Variants in ERC2 observed in about 807,000 individuals in gnomAD.
ERC2 encodes ELKS/RAB6-interacting/CAST family member 2, also known as ERC protein 2.
A neutral mutation model predicts 114.8 loss-of-function variants in ERC2; 42 were observed. That is an observed-to-expected ratio of 0.37 (90% CI 0.29 to 0.47). ERC2 has a LOEUF of 0.47. ERC2 is among the 20% of genes least tolerant of loss of function. ERC2 has a pLI of 0.99. For synonymous variants in ERC2, 454 were observed against 425.5 expected (o/e 1.07, Z -0.82); for missense variants, 939 against 1,150.7 (o/e 0.82, Z 2.66).
intron 10 of ERC2, chr3:56,003,024 G>C: frequency 1.8e-6 from 2 of 1,103,170 alleles, no homozygotes; most frequent in Non-Finnish European, 2.4e-6. Context: ...TCCCCAGTAT[G>C]GCACACCGTG....
intron 5 of ERC2, among the ~76,000 whole-genome samples, chr3:56,142,407 T>C (rs1330158166): frequency 6.6e-6 from 1 of 152,210 alleles, no homozygotes; most frequent in Non-Finnish European, 1.5e-5. Context: ...ATTTTGGCTA[T>C]ATTGATTATG....
At chr3:56,311,241 CTCTCTCTCTCTCTCTA>C (rs1307005390) in intron 2 of ERC2, among the ~76,000 whole-genome samples, 9 of 18,298 alleles carry the variant, frequency 4.9e-4, no homozygotes, top group Non-Finnish European at 7.4e-4. Context: ...TTCTCTCTCT[CTCTCTCTCTCTCTCTA>C]TATATATATA....
intron 17 of ERC2, among the ~76,000 whole-genome samples, chr3:55,599,847 T>C (rs1260407409): frequency 6.6e-6 from 1 of 152,218 alleles, no homozygotes; most frequent in Non-Finnish European, 1.5e-5. Context: ...CGCCTTGGAC[T>C]GGTAGAAGAT....
chr3:56,252,450 A>G (rs2052228424), intron 3 of ERC2, among the ~76,000 whole-genome samples: 1 of 152,170 alleles, frequency 6.6e-6, no homozygotes, highest in Non-Finnish European at 1.5e-5. Context: ...GCATAAAATA[A>G]TAGCTTTAAC....
intron 15 of ERC2, among the ~76,000 whole-genome samples, chr3:55,718,485 G>A (rs148207650): frequency 9.9e-5 from 15 of 152,280 alleles, no homozygotes; most frequent in African/African-American, 3.6e-4. Context: ...AGCAGAAAGG[G>A]GGAACCTATT....
At chr3:55,767,961 G>A (rs184442828) in intron 14 of ERC2, among the ~76,000 whole-genome samples, 237 of 152,280 alleles carry the variant, frequency 1.6e-3, no homozygotes, top group Non-Finnish European at 2.4e-3. Context: ...ATTGGATCAT[G>A]GGGGCAGATT....
At chr3:56,373,113 T>C (rs2059415196) in intron 2 of ERC2, among the ~76,000 whole-genome samples, 1 of 152,252 alleles carries the variant, frequency 6.6e-6, no homozygotes, top group Admixed American at 6.5e-5. Flanking sequence ...GCATCAGCAA[T>C]TGTCTTCCAA....
chr3:55,558,691 A>G (rs1476075723), intron 17 of ERC2, among the ~76,000 whole-genome samples: 2 of 152,220 alleles, frequency 1.3e-5, no homozygotes, highest in Non-Finnish European at 2.9e-5. Context: ...CAGATTTTAA[A>G]TAATATTATG....
At chr3:56,052,338 G>C (rs1036786429) in intron 7 of ERC2, among the ~76,000 whole-genome samples, 7 of 152,220 alleles carry the variant, frequency 4.6e-5, no homozygotes, top group African/African-American at 1.7e-4. Flanking sequence ...ATTAAATAGA[G>C]AGCCAGTATT....
At chr3:56,044,535 A>G (rs1383940917) in intron 7 of ERC2, among the ~76,000 whole-genome samples, 2 of 152,176 alleles carry the variant, frequency 1.3e-5, no homozygotes, top group Non-Finnish European at 2.9e-5. Flanking sequence ...TTTGAGATTA[A>G]AAGTATGTAT....
chr3:56,116,445 T>A (rs1318238283), intron 6 of ERC2, among the ~76,000 whole-genome samples: 1 of 152,184 alleles, frequency 6.6e-6, no homozygotes, highest in Admixed American at 6.5e-5. Context: ...AGCCTTTACA[T>A]CTTCCTGCAG....
At chr3:56,011,644 C>T (rs1007862557) in intron 8 of ERC2, among the ~76,000 whole-genome samples, 13 of 151,424 alleles carry the variant, frequency 8.6e-5, no homozygotes, top group Admixed American at 6.6e-5. Context: ...CACATGCACA[C>T]GAAAATTCCA....
intron 2 of ERC2, among the ~76,000 whole-genome samples, chr3:56,402,208 G>C (rs2060544790): frequency 6.6e-6 from 1 of 152,154 alleles, no homozygotes; most frequent in Admixed American, 6.6e-5. Context: ...TGCCCAGAGT[G>C]GCAGCTCAGG....
At chr3:56,393,819 T>A (rs2060210208) in intron 2 of ERC2, among the ~76,000 whole-genome samples, 1 of 152,142 alleles carries the variant, frequency 6.6e-6, no homozygotes, top group South Asian at 2.1e-4. Flanking sequence ...TCAGCTACAC[T>A]GCCATAAGCC....
chr3:55,538,737 T>C (rs1049132349), intron 17 of ERC2, among the ~76,000 whole-genome samples: 2 of 152,228 alleles, frequency 1.3e-5, no homozygotes, highest in Admixed American at 6.5e-5. Context: ...ATGAAACCTA[T>C]ATAATCCCGG....
chr3:55,984,468 G>A (rs1401244495), intron 12 of ERC2, among the ~76,000 whole-genome samples: 2 of 152,078 alleles, frequency 1.3e-5, no homozygotes, highest in African/African-American at 2.4e-5. Flanking sequence ...GCAAAGGGAA[G>A]GCAAAAGGAG....
At chr3:55,970,388 A>T (rs997456498) in intron 12 of ERC2, among the ~76,000 whole-genome samples, 2 of 151,892 alleles carry the variant, frequency 1.3e-5, no homozygotes, top group East Asian at 1.9e-4. Flanking sequence ...ACTAATTACT[A>T]TAGTAGTATT....
intron 12 of ERC2, among the ~76,000 whole-genome samples, chr3:55,959,087 T>A (rs560134102): frequency 5.3e-5 from 8 of 152,006 alleles, no homozygotes; most frequent in Admixed American, 4.6e-4. Flanking sequence ...AAGAGCCTGA[T>A]CCCCCTGCCC....
chr3:55,515,294 A>G (rs1203159202), intron 17 of ERC2, among the ~76,000 whole-genome samples: 4 of 151,138 alleles, frequency 2.6e-5, no homozygotes, highest in Non-Finnish European at 5.9e-5. Flanking sequence ...AACATTTGCA[A>G]GTGTATACAT....
Sources: gnomAD v4.1 joint callset for allele counts (sites outside exome capture counted in the v4.1 genomes callset) on GRCh38, gnomAD v4.1.1 for gene constraint, MANE v1.5 for transcripts, NCBI Gene and HGNC (gene_info 2026-07-23, HGNC 2026-07-21) for gene names.